COMMD1: variants seen among roughly 807,000 people sequenced by gnomAD.
COMMD1 encodes copper metabolism domain containing 1, also known as COMM domain-containing protein 1.
In COMMD1, 10 loss-of-function variants were observed where a neutral mutation model predicts 17.2. The ratio of observed to expected loss-of-function variants is 0.58; its 90% CI spans 0.36 to 0.99. The LOEUF (loss-of-function observed/expected upper bound fraction) is 0.99. Among genes scored for constraint, COMMD1 ranks in the 50% least tolerant of loss-of-function variants. COMMD1 has a pLI of 0.01. For missense variants in COMMD1, 270 were observed against 231.8 expected, an observed-to-expected ratio of 1.17 and a Z score of -1.07; for synonymous variants, 97 against 91.6, an observed-to-expected ratio of 1.06 and a Z score of -0.34.
At chr2:61,983,291 G>C (rs1672006682) in intron 1 of COMMD1, among the ~76,000 whole-genome samples, 1 of 151,430 alleles carries the variant, frequency 6.6e-6, no homozygotes, top group South Asian at 2.1e-4. Context: ...CTGGGTTCAA[G>C]TGATTCTCCT....
intron 1 of COMMD1, among the ~76,000 whole-genome samples, chr2:61,998,792 C>T (rs756285335): frequency 6.6e-6 from 1 of 152,078 alleles, no homozygotes; most frequent in African/African-American, 2.4e-5. Flanking sequence ...TATTAGTTGG[C>T]CTAATTTCAA....
intron 2 of COMMD1, among the ~76,000 whole-genome samples, chr2:62,061,931 A>G (rs1428690744): frequency 6.6e-6 from 1 of 151,656 alleles, no homozygotes; most frequent in East Asian, 1.9e-4. Context: ...GTGCTACATA[A>G]ATTTCAGTTT....
chr2:61,918,351 AT>A, intron 1 of COMMD1, among the ~76,000 whole-genome samples: 1 of 152,348 alleles, frequency 6.6e-6, no homozygotes, highest in Admixed American at 6.5e-5. Flanking sequence ...GAGACATATT[AT>A]TCATTCTCTG....
chr2:62,000,343 G>C (rs571180078), intron 1 of COMMD1, among the ~76,000 whole-genome samples: 1 of 150,652 alleles, frequency 6.6e-6, no homozygotes, highest in Admixed American at 6.6e-5. Flanking sequence ...CGCAATTTTG[G>C]CTCACTGCAG....
At chr2:61,918,073 A>C (rs1352349445) in intron 1 of COMMD1, among the ~76,000 whole-genome samples, 1 of 152,186 alleles carries the variant, frequency 6.6e-6, no homozygotes, top group African/African-American at 2.4e-5. Flanking sequence ...TGCACTGATA[A>C]AGTATGCTAG....
At chr2:62,071,421 A>G (rs569700151) in intron 2 of COMMD1, among the ~76,000 whole-genome samples, 83 of 152,294 alleles carry the variant, frequency 5.4e-4, no homozygotes, top group Non-Finnish European at 1.1e-3. Context: ...TACGACCTGT[A>G]TGTCCTGCCA....
intron 2 of COMMD1, among the ~76,000 whole-genome samples, chr2:62,013,668 A>C (rs1669352746): frequency 6.6e-6 from 1 of 152,176 alleles, no homozygotes; most frequent in Non-Finnish European, 1.5e-5. Context: ...AATATGGGTG[A>C]GTTGCTTTGA....
chr2:62,101,064 C>T (rs192811209), intron 2 of COMMD1, among the ~76,000 whole-genome samples: 1 of 150,252 alleles, frequency 6.7e-6, no homozygotes, highest in Admixed American at 6.7e-5. Context: ...ACATGACTCC[C>T]CAGATCTCTT....
intron 2 of COMMD1, among the ~76,000 whole-genome samples, chr2:62,130,348 C>T (rs1231769299): frequency 2.0e-5 from 3 of 150,440 alleles, no homozygotes; most frequent in Admixed American, 2.0e-4. Context: ...AGTCTTGGCT[C>T]ACTGCAACCT....
At chr2:62,092,661 G>GC (rs1671866667) in intron 2 of COMMD1, among the ~76,000 whole-genome samples, 1 of 152,128 alleles carries the variant, frequency 6.6e-6, no homozygotes, top group Non-Finnish European at 1.5e-5. Context: ...GGGGTCGTCA[G>GC]CCCCCGGGAG....
intron 2 of COMMD1, among the ~76,000 whole-genome samples, chr2:62,046,875 G>T (rs1396743783): frequency 6.6e-6 from 1 of 152,208 alleles, no homozygotes; most frequent in East Asian, 1.9e-4. Flanking sequence ...TGAAGTTCTT[G>T]TGAAGCAAAT....
rs1026623356 is a variant in COMMD1, at chr2:62,065,399, G to GCAGTGGTGTGA, written c.462+64419_462+64429dup. On this transcript the variant is annotated intron_variant, in intron 2 of 2. Coordinates refer to ENST00000311832, the MANE Select transcript of COMMD1 (RefSeq NM_152516.4). ...CTTGCTCTGTTACCCAGGCTAAAGT[G>GCAGTGGTGTGA]CAGTGGTGTGACCTCCTGGGCTCAA... Among the ~76,000 whole-genome samples the GCAGTGGTGTGA allele has an allele frequency of 2.3e-5, 3 of 130,524 alleles. No homozygotes were observed. In the Admixed American group the frequency reaches 2.8e-4, roughly 12 times the overall value. The allele number at this position is 130,524 out of a possible 152,430, so 85.6% of individuals were successfully genotyped here.
At chr2:62,093,704 G>A (rs1461522794) in intron 2 of COMMD1, among the ~76,000 whole-genome samples, 2 of 152,120 alleles carry the variant, frequency 1.3e-5, no homozygotes, top group Non-Finnish European at 2.9e-5. Flanking sequence ...TCCTTTGAGT[G>A]CCCAGAAACT....
intron 1 of COMMD1, among the ~76,000 whole-genome samples, chr2:61,919,098 G>T (rs1670119301): frequency 6.6e-6 from 1 of 150,854 alleles, no homozygotes; most frequent in African/African-American, 2.4e-5. Flanking sequence ...CGAAGACTCT[G>T]CCTCTCAGGT....
intron 1 of COMMD1, among the ~76,000 whole-genome samples, chr2:61,914,585 G>A (rs1670002538): frequency 6.6e-6 from 1 of 151,970 alleles, no homozygotes; most frequent in African/African-American, 2.4e-5. Context: ...ACAAAAAATA[G>A]TAATAAGATG....
At chr2:61,969,104 G>A (rs1671581100) in intron 1 of COMMD1, 1 of 383,118 alleles carries the variant, frequency 2.6e-6, no homozygotes, top group South Asian at 1.9e-5. Flanking sequence ...GACTACAGGT[G>A]CACACCACCA....
intron 2 of COMMD1, among the ~76,000 whole-genome samples, chr2:62,044,074 T>A (rs946475491): frequency 6.6e-6 from 1 of 152,234 alleles, no homozygotes; most frequent in Non-Finnish European, 1.5e-5. Flanking sequence ...GCTGTTTTCA[T>A]GGCCTTCTTG....
intron 1 of COMMD1, among the ~76,000 whole-genome samples, chr2:61,985,313 G>A (rs926909922): frequency 3.3e-5 from 5 of 152,310 alleles, no homozygotes; most frequent in South Asian, 4.1e-4. Context: ...GCCTCCCAAA[G>A]TGCTGGGATT....
At chr2:62,068,729 A>T (rs1333685423) in intron 2 of COMMD1, among the ~76,000 whole-genome samples, 1 of 144,160 alleles carries the variant, frequency 6.9e-6, no homozygotes, top group Non-Finnish European at 1.5e-5. Flanking sequence ...GGTTCAAGTG[A>T]TTCTCCTGTC....
Sources: gnomAD v4.1 joint callset for allele counts (sites outside exome capture counted in the v4.1 genomes callset) on GRCh38, gnomAD v4.1.1 for gene constraint, MANE v1.5 for transcripts, NCBI Gene and HGNC (gene_info 2026-07-23, HGNC 2026-07-21) for gene names.